Variants in TMEM182 observed in about 807,000 individuals in gnomAD.
TMEM182 encodes the protein transmembrane protein 182.
In TMEM182, 20 loss-of-function variants were observed where a neutral mutation model predicts 26.8. The observed-to-expected ratio is 0.75, with a 90% confidence interval of 0.53 to 1.09. The LOEUF (loss-of-function observed/expected upper bound fraction) is 1.09, where lower values mean the gene tolerates loss of function less well. Ranked by LOEUF, TMEM182 falls within the 50% of genes least tolerant of loss-of-function variation. The pLI is 0.00. For synonymous variants in TMEM182, 109 were observed against 102.2 expected (o/e 1.07, Z -0.40); for missense variants, 277 against 275.5 (o/e 1.01, Z -0.04).
chr2:102,804,053 G>A (rs1365911060), intron 4 of TMEM182, among the ~76,000 whole-genome samples: 1 of 152,254 alleles, frequency 6.6e-6, no homozygotes, highest in African/African-American at 2.4e-5. Context: ...CTGTGGACAA[G>A]CGCAGGGAAC....
At chr2:102,758,453 A>G, upstream of TMEM182, 1 of 716,772 alleles carries the variant, frequency 1.4e-6, no homozygotes, top group Non-Finnish European at 2.6e-6. Context: ...AAGAAAAAAG[A>G]CACCTTTTAC....
At chr2:102,797,824 ATTTTT>A in intron 3 of TMEM182, 34 bp from the exon 4 acceptor site, 1 of 1,589,942 alleles carries the variant, frequency 6.3e-7, no homozygotes, top group Non-Finnish European at 8.5e-7. Flanking sequence ...ATCTAAGTGT[ATTTTT>A]CTTTCTTTTC....
rs770817933 is a variant in TMEM182, at chr2:102,798,013, C to A, written c.469+13C>A. The A allele has an allele frequency of 6.3e-7, 1 of 1,599,942 alleles. No homozygotes were observed. The highest frequency in any genetic ancestry group is 1.1e-5 in the South Asian group (1 of 87,628). On this transcript the variant is annotated intron_variant, in intron 4 of 4. Transcript: ENST00000412401. ...TATATTGCTGCAGGTACGTACGGTG[C>A]AATGGGTATGACTTTCAGCCACGGT...
At position 102,766,322 on chromosome 2, in the gene TMEM182, G is replaced by A. The variant is rs550717215; in HGVS notation, c.331+1895G>A. Among the ~76,000 whole-genome samples the A allele has an allele frequency of 1.1e-3, 161 of 152,224 alleles. 2 individuals are homozygous for A. The highest frequency in any genetic ancestry group is 3.5e-3 in the Admixed American group (54 of 15,274). ...CAGTTACACTTAAAATTATTATGTA[G>A]CACTGCATTTAATTAGTGTGTCACT... On this transcript the variant is annotated intron_variant, in intron 3 of 4. Transcript: ENST00000412401.
chr2:102,834,640 G>C (rs1683209046), intron 3 of TMEM182, among the ~76,000 whole-genome samples: 2 of 152,218 alleles, frequency 1.3e-5, no homozygotes, highest in Admixed American at 1.3e-4. Context: ...TGACAGTGCA[G>C]AGTGGGTTGT....
intron 3 of TMEM182, among the ~76,000 whole-genome samples, chr2:102,786,290 C>T (rs1573533035): frequency 6.9e-6 from 1 of 144,810 alleles, no homozygotes; most frequent in Non-Finnish European, 1.5e-5. Flanking sequence ...TCTCAGCTCA[C>T]TGTAACCTCT....
intron 1 of TMEM182, among the ~76,000 whole-genome samples, chr2:102,752,897 G>A (rs1679917025): frequency 6.6e-6 from 1 of 152,232 alleles, no homozygotes; most frequent in African/African-American, 2.4e-5. Flanking sequence ...AAGGACAGAA[G>A]AGGAGAACCT....
chr2:102,747,617 T>C (rs79314203), intron 1 of TMEM182, among the ~76,000 whole-genome samples: 1,847 of 152,116 alleles, frequency 0.012, 34 homozygotes, highest in African/African-American at 0.039. Context: ...TGAGATGCCA[T>C]GTAACCATGA....
At chr2:102,778,202 A>G (rs896493126) in intron 3 of TMEM182, among the ~76,000 whole-genome samples, 2 of 151,934 alleles carry the variant, frequency 1.3e-5, no homozygotes, top group African/African-American at 4.8e-5. Flanking sequence ...TTTTTTATAC[A>G]TACACATTTA....
chr2:102,834,220 C>G (rs1573580659), intron 3 of TMEM182, among the ~76,000 whole-genome samples: 3 of 152,312 alleles, frequency 2.0e-5, no homozygotes, highest in African/African-American at 4.8e-5. Context: ...GCCATCCCTA[C>G]TTTGCCGTGG....
intron 4 of TMEM182, among the ~76,000 whole-genome samples, chr2:102,812,706 T>C (rs1033660808): frequency 9.2e-5 from 14 of 152,314 alleles, no homozygotes; most frequent in African/African-American, 3.4e-4. Flanking sequence ...AGGCTACTAG[T>C]TTTTCACAAA....
rs1335288866 is a variant in TMEM182, at chr2:102,797,946, C to G, written c.415C>G (p.Pro139Ala). ...AAGCTTTTTGATCATCTGTGCAGCC[C>G]CCTTCGCCAGCCATTTTCTCTACAA... The part of the protein sequence containing the change: ...IASFLIICAA[P>A]FASHFLYKAG... Residue 139 changes from proline to alanine, a missense_variant, in exon 4 of 5, where the codon CCC becomes GCC. Coordinates refer to ENST00000412401, the MANE Select transcript of TMEM182 (RefSeq NM_144632.5). 6.2e-7 allele frequency: 1 copy of G among 1,613,926 alleles called. No homozygotes were observed. The highest frequency in any genetic ancestry group is 1.7e-5 in the Admixed American group (1 of 59,972).
chr2:102,810,481 G>T (rs1682516257), intron 4 of TMEM182, among the ~76,000 whole-genome samples: 1 of 152,092 alleles, frequency 6.6e-6, no homozygotes, highest in Admixed American at 6.5e-5. Context: ...CGTGCCCTTT[G>T]TTTCAGAAAG....
intron 4 of TMEM182, 57 bp from the exon 5 acceptor site, chr2:102,814,691 C>T (rs191874739): frequency 3.1e-4 from 461 of 1,485,554 alleles, no homozygotes; most frequent in Admixed American, 8.9e-4. Flanking sequence ...GTTTAGATAG[C>T]GTTCTTGAGA....
At chr2:102,821,331 G>A (rs1342424217), downstream of TMEM182, among the ~76,000 whole-genome samples, 1 of 152,142 alleles carries the variant, frequency 6.6e-6, no homozygotes, top group African/African-American at 2.4e-5. Flanking sequence ...CTTTGTGGGA[G>A]GTGTTTGGGT....
chr2:102,819,060 T>C (rs1490614088), downstream of TMEM182, among the ~76,000 whole-genome samples: 1 of 152,228 alleles, frequency 6.6e-6, no homozygotes, highest in Non-Finnish European at 1.5e-5. Context: ...AAGATTTTAA[T>C]ATTCTCATTC....
At chr2:102,775,192 G>C (rs914760883) in intron 3 of TMEM182, 1 of 152,114 alleles carries the variant, frequency 6.6e-6, no homozygotes, top group African/African-American at 2.4e-5. Flanking sequence ...TATCCACCAT[G>C]ATCAAGTGGG....
At chr2:102,804,120 T>C (rs1682259051) in intron 4 of TMEM182, among the ~76,000 whole-genome samples, 1 of 152,202 alleles carries the variant, frequency 6.6e-6, no homozygotes, top group Admixed American at 6.5e-5. Flanking sequence ...TTTTCTTTTT[T>C]TTCCTTCACA....
chr2:102,833,490 C>CCA (rs910241924), intron 3 of TMEM182, among the ~76,000 whole-genome samples: 3 of 151,952 alleles, frequency 2.0e-5, no homozygotes, highest in Non-Finnish European at 2.9e-5. Flanking sequence ...TGGAGTGCTC[C>CCA]CACACACACA....
Sources: allele counts gnomAD v4.1 joint callset (sites outside exome capture counted in the v4.1 genomes callset), GRCh38; gene constraint gnomAD v4.1.1; transcripts MANE v1.5; gene names NCBI Gene and HGNC (gene_info 2026-07-23, HGNC 2026-07-21).